Variants in JAKMIP3 observed in about 807,000 individuals in gnomAD.
The protein encoded by JAKMIP3 is Janus kinase and microtubule interacting protein 3.
A neutral mutation model predicts 118.5 loss-of-function variants in JAKMIP3; 58 were observed. The ratio of observed to expected loss-of-function variants is 0.49; its 90% CI spans 0.40 to 0.61. JAKMIP3 has a LOEUF of 0.61. Among genes scored for constraint, JAKMIP3 ranks in the 20% least tolerant of loss-of-function variants. The pLI is 0.00. For synonymous variants in JAKMIP3, 486 were observed against 451.2 expected (o/e 1.08, Z -0.98); for missense variants, 950 against 1,109.0 (o/e 0.86, Z 2.04).
chr10:132,071,911 T>TTCCCTTCCTTTCCTTCCTTTCCG (rs2040009639), intron 1 of JAKMIP3, among the ~76,000 whole-genome samples: 1 of 146,314 alleles, frequency 6.8e-6, no homozygotes. Context: ...CTTCCCTTCC[T>TTCCCTTCCTTTCCTTCCTTTCCG]TCCTTCCTTT....
Position 132,135,127 on chromosome 10 carries a change from C to A in JAKMIP3, c.936C>A (p.Arg312=). 19 of 1,612,782 alleles carry A rather than the reference C, an allele frequency of 1.2e-5. No individual in the cohort carries two copies. Among genetic ancestry groups the A allele is most frequent in the Non-Finnish European group, 1.6e-5 (19 of 1,179,126 alleles). The part of the protein sequence containing the change: ...LSAIIRKLED[R]NALLSEERNE... ...CGATTATCCGCAAACTGGAGGACCG[C>A]AATGCATTGCTGTCGGAAGAGAGGA... Residue 312 remains arginine (R), a synonymous_variant, in exon 5 of 24, where the codon CGC becomes CGA. Transcript: ENST00000684848.
intron 11 of JAKMIP3, among the ~76,000 whole-genome samples, chr10:132,143,258 GA>G (rs1188008975): frequency 2.0e-5 from 3 of 152,060 alleles, no homozygotes; most frequent in Non-Finnish European, 4.4e-5. Flanking sequence ...ATTTTTGCAT[GA>G]CCCTTGGAGA....
rs1410518923 is a variant in JAKMIP3, at chr10:132,117,144, C to A, written c.203C>A (p.Thr68Asn). The A allele has an allele frequency of 8.1e-6, 13 of 1,613,636 alleles. No individual in the cohort carries two copies. Among genetic ancestry groups the A allele is most frequent in the Non-Finnish European group, 1.0e-5 (12 of 1,179,894 alleles). ...GTGCGCGAGCATGAGCAGCATAAGA[C>A]CGCGGTCTTGCTCACGGAGCTCAAG... ...RQVREHEQHK[T>N]AVLLTELKTK... Residue 68 changes from threonine to asparagine, a missense_variant, in exon 3 of 24, where the codon ACC becomes AAC. Thr to Asn is a moderately conservative substitution (Grantham distance 65). Coordinates refer to ENST00000684848, the MANE Select transcript of JAKMIP3 (RefSeq NM_001323087.2). The surrounding 1 kb of genome is among the most constrained non-coding windows in gnomAD (Gnocchi z 8.6).
At chr10:132,051,976 C>T (rs1442759194) in intron 1 of JAKMIP3, among the ~76,000 whole-genome samples, 1 of 152,208 alleles carries the variant, frequency 6.6e-6, no homozygotes, top group Admixed American at 6.5e-5. Flanking sequence ...ACACCCAGTA[C>T]TTTGGGAGGC....
chr10:132,159,143 C>CCCG (rs2057469596), intron 19 of JAKMIP3, among the ~76,000 whole-genome samples: 3 of 95,558 alleles, frequency 3.1e-5, no homozygotes, highest in African/African-American at 7.3e-5. Context: ...GGCGTCTCTC[C>CCCG]TTGTGTGATG....
At chr10:132,078,628 G>T (rs548569799) in intron 1 of JAKMIP3, among the ~76,000 whole-genome samples, 23,134 of 151,052 alleles carry the variant, frequency 0.15, 2,234 homozygotes, top group East Asian at 0.3. Flanking sequence ...GCGGGGGGGG[G>T]GGGGGGTCCC....
intron 1 of JAKMIP3, among the ~76,000 whole-genome samples, chr10:132,087,815 G>T (rs933838637): frequency 6.6e-6 from 1 of 151,374 alleles, no homozygotes; most frequent in Non-Finnish European, 1.5e-5. Context: ...CCATTAACTC[G>T]TCATTTACAT....
chr10:132,123,369 A>T (rs901507012), intron 3 of JAKMIP3, among the ~76,000 whole-genome samples: 1 of 152,330 alleles, frequency 6.6e-6, no homozygotes, highest in East Asian at 1.9e-4. Context: ...CTCTAAATCC[A>T]AAGAATTAGA....
intron 1 of JAKMIP3, among the ~76,000 whole-genome samples, chr10:132,096,610 T>C (rs1487036315): frequency 1.3e-5 from 2 of 152,202 alleles, no homozygotes; most frequent in African/African-American, 4.8e-5. Flanking sequence ...GATGAAAAAG[T>C]TGTGGCTTTG....
chr10:132,148,103 T>C (rs1417008339), intron 14 of JAKMIP3, 53 bp downstream of exon 14: 1 of 1,086,198 alleles, frequency 9.2e-7, no homozygotes, highest in African/African-American at 1.5e-5. Flanking sequence ...AGGGATCTAG[T>C]CCTCAGCCTT....
intron 3 of JAKMIP3, among the ~76,000 whole-genome samples, chr10:132,128,774 T>G (rs1356058252): frequency 6.6e-6 from 1 of 152,238 alleles, no homozygotes; most frequent in Non-Finnish European, 1.5e-5. Context: ...TTTGAATTAC[T>G]GCATTTTATT....
At chr10:132,167,656 G>A (rs775564516) in intron 22 of JAKMIP3, among the ~76,000 whole-genome samples, 17 of 152,138 alleles carry the variant, frequency 1.1e-4, no homozygotes, top group African/African-American at 2.4e-4. Context: ...CTCGGTCCTC[G>A]AGTCTGCACC....
At chr10:132,154,870 AGTG>A (rs2056830700) in intron 19 of JAKMIP3, among the ~76,000 whole-genome samples, 1 of 140,048 alleles carries the variant, frequency 7.1e-6, no homozygotes, top group Non-Finnish European at 1.6e-5. Context: ...TGGTGGTGAT[AGTG>A]GTGGTGATGA....
Position 132,133,398 on chromosome 10 carries a change from G to A in JAKMIP3, c.720G>A (p.Gln240=). Reference sequence around the variant, plus strand: ...AAGCCGGGCATGCTCAGAGACTGCAGCTCCAAAAAGAGGCTCTAGATGAGC... The same window carrying A: ...AAGCCGGGCATGCTCAGAGACTGCAACTCCAAAAAGAGGCTCTAGATGAGC... The part of the protein sequence containing the change: ...GVQAGHAQRL[Q]LQKEALDEQL... Residue 240 remains glutamine, a synonymous_variant, in exon 4 of 24, where the codon CAG becomes CAA. Transcript: ENST00000684848. The A allele has an allele frequency of 1.9e-6, 3 of 1,600,996 alleles. No homozygotes were observed. Among genetic ancestry groups the A allele is most frequent in the South Asian group, 1.1e-5 (1 of 88,428 alleles).
At chr10:132,146,239 G>GTA (rs757546067) in intron 13 of JAKMIP3, among the ~76,000 whole-genome samples, 16 of 151,652 alleles carry the variant, frequency 1.1e-4, no homozygotes, top group Non-Finnish European at 2.2e-4. Context: ...GCTCTCAGTG[G>GTA]CCTTAGCTTC....
rs1001585289 is a variant in JAKMIP3 at position 132,179,848 on chromosome 10, A to G, written c.*1104-2509A>G. 6.6e-6 allele frequency among the ~76,000 whole-genome samples: 1 copy of G among 152,178 alleles called. No homozygotes were observed. The highest frequency in any genetic ancestry group is 1.5e-5 in the Non-Finnish European group (1 of 68,028). ...GGCTGGATCTGCAAGGGAAGAGTTC[A>G]CAGGCACAGCCTGGAGAGGCCTGTG... On this transcript the variant is annotated intron_variant, in intron 23 of 23. Transcript: ENST00000684848. The surrounding 1 kb of genome is among the most constrained non-coding windows in gnomAD (Gnocchi z 4.3).
chr10:132,162,853 G>C (rs116604085), intron 19 of JAKMIP3, among the ~76,000 whole-genome samples: 1 of 152,126 alleles, frequency 6.6e-6, no homozygotes, highest in East Asian at 1.9e-4. Context: ...GGGAGGCAGC[G>C]TGTGACCCCA....
At chr10:132,086,575 T>G (rs1043168934) in intron 1 of JAKMIP3, among the ~76,000 whole-genome samples, 1 of 152,212 alleles carries the variant, frequency 6.6e-6, no homozygotes, top group African/African-American at 2.4e-5. Context: ...GGTTGTGATA[T>G]TTTCCTGTTG....
intron 1 of JAKMIP3, among the ~76,000 whole-genome samples, chr10:132,055,905 T>G (rs1194090930): frequency 6.6e-6 from 1 of 152,200 alleles, no homozygotes; most frequent in African/African-American, 2.4e-5. Flanking sequence ...TCAGATATTC[T>G]GAAGAGGAAT....
Sources: allele counts gnomAD v4.1 joint callset (sites outside exome capture counted in the v4.1 genomes callset), GRCh38; gene constraint gnomAD v4.1.1; non-coding constraint Gnocchi (gnomAD v3.1); transcripts MANE v1.5; gene names NCBI Gene and HGNC (gene_info 2026-07-23, HGNC 2026-07-21).